NAV2: variants seen among roughly 807,000 people sequenced by gnomAD.
NAV2 encodes the protein neuron navigator 2, also known as helicase, APC down-regulated 1.
Under a neutral mutation model 223.2 loss-of-function variants are expected in NAV2, and 54 were observed. The observed-to-expected ratio is 0.24, with a 90% CI of 0.19 to 0.30. The LOEUF (loss-of-function observed/expected upper bound fraction) is 0.30, where lower values mean the gene tolerates loss of function less well. Among genes scored for constraint, NAV2 ranks in the 10% least tolerant of loss-of-function variants. The pLI is 1.00. For missense variants in NAV2, 2,806 were observed against 3,147.5 expected (o/e 0.89, Z 2.60); for synonymous variants, 1,279 against 1,239.3 (o/e 1.03, Z -0.67).
chr11:19,485,485 G>A (rs766974688), intron 1 of NAV2, among the ~76,000 whole-genome samples: 6 of 152,082 alleles, frequency 3.9e-5, no homozygotes, highest in Non-Finnish European at 8.8e-5. Flanking sequence ...ACATTTAAAG[G>A]CCCATCCACT....
intron 1 of NAV2, among the ~76,000 whole-genome samples, chr11:19,570,827 T>C (rs578158181): frequency 1.3e-5 from 2 of 152,328 alleles, no homozygotes; most frequent in South Asian, 4.1e-4. Context: ...AACCTTCCTA[T>C]AGTGCTGGTG....
At chr11:19,895,249 T>A (rs988502628) in intron 6 of NAV2, among the ~76,000 whole-genome samples, 50 of 151,454 alleles carry the variant, frequency 3.3e-4, no homozygotes, top group African/African-American at 1.2e-3. Flanking sequence ...GTATTTTTAG[T>A]AGAGATAGGG....
intron 11 of NAV2, among the ~76,000 whole-genome samples, chr11:19,991,106 C>T (rs1465044714): frequency 6.6e-6 from 1 of 152,146 alleles, no homozygotes; most frequent in Non-Finnish European, 1.5e-5. Flanking sequence ...TTTTGCGAAG[C>T]ACCTAAGACA....
intron 36 of NAV2, among the ~76,000 whole-genome samples, chr11:20,112,478 G>A (rs2062718807): frequency 6.6e-6 from 1 of 152,216 alleles, no homozygotes; most frequent in African/African-American, 2.4e-5. Flanking sequence ...AAGGGGCAGG[G>A]TGGGCAGCTT....
At position 19,920,387 on chromosome 11, in the gene NAV2, A is replaced by C. The variant is rs575959124; in HGVS notation, c.932-12789A>C. Among the ~76,000 whole-genome samples, 25 of 152,318 alleles carry C rather than the reference A, an allele frequency of 1.6e-4. No individual in the cohort carries two copies. In the East Asian group the frequency reaches 4.4e-3, roughly 27 times the overall value. On this transcript the variant is annotated intron_variant, in intron 6 of 37. Coordinates refer to ENST00000349880, the MANE Select transcript of NAV2 (RefSeq NM_145117.5). ...ACTGCAACCTCTGCCTCCCAGGTTC[A>C]AGCGATTCCCCTGCCTCAGCCTCCC...
intron 11 of NAV2, among the ~76,000 whole-genome samples, chr11:20,015,950 C>T (rs1468059137): frequency 6.6e-6 from 1 of 152,174 alleles, no homozygotes; most frequent in African/African-American, 2.4e-5. Context: ...TCACGGAAAT[C>T]AAACAGGATT....
intron 1 of NAV2, among the ~76,000 whole-genome samples, chr11:19,598,261 G>A (rs997678923): frequency 1.3e-5 from 2 of 152,188 alleles, no homozygotes; most frequent in Non-Finnish European, 1.5e-5. Context: ...AGAACCTGGG[G>A]GTGCCAGGGG....
chr11:20,103,184 GC>G, intron 32 of NAV2, 70 bp from the exon 33 acceptor site: 1 of 1,483,752 alleles, frequency 6.7e-7, no homozygotes, highest in South Asian at 1.3e-5. Flanking sequence ...TGAGGCAAAG[GC>G]CCTGAGCGGT....
chr11:19,481,206 G>T (rs1440334853), intron 1 of NAV2, among the ~76,000 whole-genome samples: 2 of 152,112 alleles, frequency 1.3e-5, no homozygotes, highest in Admixed American at 6.5e-5. Flanking sequence ...TACCTGTACT[G>T]GATGGATAGG....
chr11:20,033,648 T>C (rs10833225), intron 11 of NAV2, among the ~76,000 whole-genome samples: 66,492 of 152,014 alleles, frequency 0.44, 15,609 homozygotes, highest in African/African-American at 0.61. Flanking sequence ...CACATTCCCC[T>C]GCATTTCTGT....
chr11:19,733,504 A>G lies in NAV2; in HGVS notation c.267+19542A>G, dbSNP rs78988426. On this transcript the variant is annotated intron_variant, in intron 1 of 37. Transcript: ENST00000349880. Reference sequence around the variant, plus strand: ...ATGTGCTTGCCTTCAGGTTCTGCTAAGAACCCAAGATGCTTCACTTACCGC... The same window carrying G: ...ATGTGCTTGCCTTCAGGTTCTGCTAGGAACCCAAGATGCTTCACTTACCGC... Among the ~76,000 whole-genome samples, 29 of 152,324 alleles carry G rather than the reference A, an allele frequency of 1.9e-4. No homozygotes were observed. In the East Asian group the frequency reaches 4.6e-3, roughly 24 times the overall value.
At chr11:19,969,285 T>C (rs1454457747) in intron 10 of NAV2, among the ~76,000 whole-genome samples, 1 of 152,190 alleles carries the variant, frequency 6.6e-6, no homozygotes, top group Non-Finnish European at 1.5e-5. Context: ...AGTAACATTG[T>C]TCCCAATACA....
At chr11:19,709,309 A>G (rs375475048), upstream of NAV2, among the ~76,000 whole-genome samples, 85 of 152,108 alleles carry the variant, frequency 5.6e-4, no homozygotes, top group East Asian at 1.6e-3. Flanking sequence ...TTGGGAGGCC[A>G]AGGCGGGCGA....
At chr11:19,459,099 A>G (rs1165173747) in intron 1 of NAV2, among the ~76,000 whole-genome samples, 9 of 152,218 alleles carry the variant, frequency 5.9e-5, no homozygotes, top group Admixed American at 5.2e-4. Context: ...AGCTACATCA[A>G]TTGTAACTTC....
intron 8 of NAV2, among the ~76,000 whole-genome samples, chr11:19,943,527 C>T (rs565266603): frequency 6.6e-6 from 1 of 152,264 alleles, no homozygotes; most frequent in African/African-American, 2.4e-5. Context: ...TCCCAGCCTC[C>T]AGGCACCACC....
intron 1 of NAV2, among the ~76,000 whole-genome samples, chr11:19,445,097 G>A (rs1042639585): frequency 2.0e-5 from 3 of 152,190 alleles, no homozygotes; most frequent in Non-Finnish European, 4.4e-5. Context: ...GTGAATGGGA[G>A]GTGGACTGTG....
At chr11:19,864,259 A>C (rs773250608) in intron 3 of NAV2, among the ~76,000 whole-genome samples, 1 of 152,200 alleles carries the variant, frequency 6.6e-6, no homozygotes, top group Non-Finnish European at 1.5e-5. Flanking sequence ...TATGCCCAGA[A>C]TGTCATCTTC....
intron 1 of NAV2, among the ~76,000 whole-genome samples, chr11:19,455,892 G>C (rs1431811690): frequency 6.6e-6 from 1 of 152,196 alleles, no homozygotes; most frequent in Non-Finnish European, 1.5e-5. Context: ...ATATTTGGGG[G>C]CCTGCCCGGT....
chr11:19,513,579 T>A (rs192039502), intron 1 of NAV2, among the ~76,000 whole-genome samples: 3 of 152,200 alleles, frequency 2.0e-5, no homozygotes, highest in Non-Finnish European at 4.4e-5. Flanking sequence ...TGGCACACTA[T>A]GTAAATCTCT....
Sources: allele counts gnomAD v4.1 joint callset (sites outside exome capture counted in the v4.1 genomes callset), GRCh38; gene constraint gnomAD v4.1.1; transcripts MANE v1.5; gene names NCBI Gene and HGNC (gene_info 2026-07-23, HGNC 2026-07-21).